CDKL5: variants seen among roughly 807,000 people sequenced by gnomAD.
CDKL5 encodes the protein cyclin dependent kinase like 5, also known as cyclin-dependent kinase-like 5.
In CDKL5, 8 loss-of-function variants were observed where a neutral mutation model predicts 61.7. The ratio of observed to expected loss-of-function variants is 0.13; its 90% CI spans 0.08 to 0.23. The LOEUF (loss-of-function observed/expected upper bound fraction) is 0.23. CDKL5 is among the 10% of genes least tolerant of loss of function. The pLI is 1.00. For synonymous variants in CDKL5, 275 were observed against 272.3 expected (o/e 1.01, Z -0.10); for missense variants, 440 against 734.5 (o/e 0.60, Z 4.63).
In CDKL5 at chrX:18,630,429, C is replaced by T. The variant is rs1238187711; in HGVS notation, c.*1672C>T. 4.0e-6 allele frequency: 3 copies of T among 752,790 alleles called. No individual in the cohort carries two copies. The highest frequency in any genetic ancestry group is 8.7e-5 in the Admixed American group (1 of 11,548). 62.0% of individuals were successfully genotyped at this position (752,790 alleles called of 1,213,427 possible). A position where few individuals can be genotyped will look rare whatever the true frequency, so the allele number is the denominator to read the frequency against. On this transcript the variant is annotated 3_prime_UTR_variant, in exon 18 of 18. Coordinates refer to ENST00000623535, the MANE Select transcript of CDKL5 (RefSeq NM_001323289.2). ...TCCCTCCCACCCCTCAAAGAGATAACTTCTCAGTATTTATTACTTGTCCTC... is the reference window on the plus strand; with the variant it reads ...TCCCTCCCACCCCTCAAAGAGATAATTTCTCAGTATTTATTACTTGTCCTC...
intron 6 of CDKL5, among the ~76,000 whole-genome samples, chrX:18,580,413 C>T (rs188769833): frequency 2.7e-5 from 3 of 111,537 alleles, no homozygotes; most frequent in Admixed American, 9.6e-5. Context: ...CCTATTGGCA[C>T]TCATGTCTCA....
At chrX:18,450,874 CTT>C (rs778243455) in intron 1 of CDKL5, among the ~76,000 whole-genome samples, 17 of 99,189 alleles carry the variant, frequency 1.7e-4, no homozygotes, top group Non-Finnish European at 1.9e-4. Context: ...TGTGCCCGGC[CTT>C]TTTTTTTTTT....
intron 3 of CDKL5, among the ~76,000 whole-genome samples, chrX:18,549,010 A>T (rs751569863): frequency 2.7e-5 from 3 of 112,284 alleles, no homozygotes; most frequent in Admixed American, 9.5e-5. Context: ...TAGATTTTAT[A>T]TACATGCATG....
At chrX:18,642,260 G>T, downstream of CDKL5, 1 of 933,172 alleles carries the variant, frequency 1.1e-6, no homozygotes, top group Non-Finnish European at 1.5e-6. Context: ...GAAATGATTA[G>T]GAAGTAGTTA....
rs201472122 is a variant in CDKL5, at chrX:18,647,144, A to AT, written c.2797+1063dup. On this transcript the variant is annotated intron_variant, in intron 20 of 21. Coordinates refer to the CDKL5 transcript ENST00000379989. ...GTTGGCCACGCTGGTAGAGAGGCCT[A>AT]TTTTTTTTTAAAAGCACATGAAAAA... 1.1e-3 allele frequency: 1,265 copies of AT among 1,172,154 alleles called. 1 individual carries two copies. The highest frequency in any genetic ancestry group is 2.2e-3 in the Middle Eastern group (8 of 3,654).
chrX:18,639,997 G>C lies in CDKL5; in HGVS notation c.*11240G>C, dbSNP rs1483059196. On this transcript the variant is annotated 3_prime_UTR_variant, in exon 18 of 18. Transcript: ENST00000623535. ...CGATTCGTGGTTGCAGAGGGCTTGG[G>C]GTGGCCGATGGGTTGGGGAGTGTTG... The C allele has an allele frequency of 8.9e-6, 1 of 111,770 alleles. No individual in the cohort carries two copies. Among genetic ancestry groups the C allele is most frequent in the African/African-American group, 3.3e-5 (1 of 30,685 alleles). The allele number at this position is 111,770 out of a possible 1,213,427, so 9.2% of individuals were successfully genotyped here.
At position 18,637,635 on chromosome X, in the gene CDKL5, A is replaced by G. The variant is rs1486593039; in HGVS notation, c.*8878A>G. 9.0e-6 allele frequency: 1 copy of G among 111,134 alleles called. No homozygotes were observed. Among genetic ancestry groups the G allele is most frequent in the Non-Finnish European group, 1.9e-5 (1 of 53,104 alleles). The allele number at this position is 111,134 out of a possible 1,213,427, so 9.2% of individuals were successfully genotyped here. A position where few individuals can be genotyped will look rare whatever the true frequency, so the allele number is the denominator to read the frequency against. On this transcript the variant is annotated 3_prime_UTR_variant, in exon 18 of 18. Transcript: ENST00000623535. ...GGGTGGAGTCTTGGCTCCATCTCCT[A>G]CATCTCATGTGACTTGAAGCAAGGC...
chrX:18,489,627 T>G (rs1921918887), intron 1 of CDKL5, among the ~76,000 whole-genome samples: 1 of 111,236 alleles, frequency 9.0e-6, no homozygotes, highest in Admixed American at 9.6e-5. Context: ...TCAGGAAATC[T>G]CTGAATCCAC....
rs61752067 is a variant in CDKL5 at position 18,647,213 on chromosome X, G to A, written c.2797+1123G>A. 5.0e-6 allele frequency: 6 copies of A among 1,210,861 alleles called. No individual in the cohort carries two copies. The highest frequency in any genetic ancestry group is 6.7e-6 in the Non-Finnish European group (6 of 895,344). Reference sequence around the variant, plus strand: ...TACCCAAAGCCTTGACTGTTGAGCCGGGCCTTGTTTGCAGTCCACGAAGAA... The same window carrying A: ...TACCCAAAGCCTTGACTGTTGAGCCAGGCCTTGTTTGCAGTCCACGAAGAA... On this transcript the variant is annotated intron_variant, in intron 20 of 21. Coordinates refer to the CDKL5 transcript ENST00000379989.
At chrX:18,502,264 A>G (rs1379890994) in intron 1 of CDKL5, among the ~76,000 whole-genome samples, 4 of 112,401 alleles carry the variant, frequency 3.6e-5, no homozygotes, top group Non-Finnish European at 5.6e-5. Context: ...TGTCTTGTTT[A>G]CCACTATGTT....
At chrX:18,487,419 T>A (rs1921830621) in intron 1 of CDKL5, among the ~76,000 whole-genome samples, 1 of 112,608 alleles carries the variant, frequency 8.9e-6, no homozygotes, top group Non-Finnish European at 1.9e-5. Context: ...TGTGTCAACC[T>A]CCCAAGTAGC....
At chrX:18,627,736 T>A (rs1471421979) in intron 17 of CDKL5, 1 of 108,635 alleles carries the variant, frequency 9.2e-6, no homozygotes. Flanking sequence ...TTTGCATATT[T>A]CTTTGTGCTT....
intron 1 of CDKL5, among the ~76,000 whole-genome samples, chrX:18,435,656 T>A (rs1214642167): frequency 9.0e-6 from 1 of 111,515 alleles, no homozygotes; most frequent in Non-Finnish European, 1.9e-5. Flanking sequence ...CACCTCCGCC[T>A]CTTGGGTTCA....
intron 20 of CDKL5, chrX:18,647,434 G>T: frequency 1.1e-6 from 1 of 897,668 alleles, no homozygotes; most frequent in Non-Finnish European, 1.6e-6. Context: ...GCGCTTCGGA[G>T]ACGGAGAAGG....
chrX:18,560,018 T>A (rs1332395908), intron 3 of CDKL5, among the ~76,000 whole-genome samples: 1 of 109,680 alleles, frequency 9.1e-6, no homozygotes, highest in African/African-American at 3.3e-5. Flanking sequence ...CACATTTTCT[T>A]AATCCAGTCT....
At chrX:18,509,239 A>C (rs967978883) in intron 2 of CDKL5, among the ~76,000 whole-genome samples, 1 of 106,555 alleles carries the variant, frequency 9.4e-6, no homozygotes, top group Non-Finnish European at 1.9e-5. Flanking sequence ...ACACACACAC[A>C]CACACACCCC....
chrX:18,470,355 GAAA>G (rs1262986005), intron 1 of CDKL5, among the ~76,000 whole-genome samples: 1 of 7,312 alleles, frequency 1.4e-4, no homozygotes, highest in African/African-American at 5.4e-4. Context: ...AAGAAGAAAA[GAAA>G]AAAAAAAAAA....
At chrX:18,482,331 A>G (rs1334957895) in intron 1 of CDKL5, among the ~76,000 whole-genome samples, 1 of 112,152 alleles carries the variant, frequency 8.9e-6, no homozygotes, top group Non-Finnish European at 1.9e-5. Flanking sequence ...CGTATTCTAA[A>G]TAGTAATCTT....
intron 16 of CDKL5, 78 bp from the exon 17 acceptor site, chrX:18,625,050 C>A: frequency 1.0e-6 from 1 of 996,281 alleles, no homozygotes; most frequent in Non-Finnish European, 1.4e-6. Flanking sequence ...TAGTTTGGTT[C>A]TCCTCTTGGG....
Sources: allele counts gnomAD v4.1 joint callset (sites outside exome capture counted in the v4.1 genomes callset), GRCh38; gene constraint gnomAD v4.1.1; transcripts MANE v1.5; gene names NCBI Gene and HGNC (gene_info 2026-07-23, HGNC 2026-07-21).